The following SLC25A48 variants were observed in gnomAD, a reference collection of about 807,000 sequenced individuals.
SLC25A48 encodes solute carrier family 25 member 48.
In SLC25A48, 29 loss-of-function variants were observed where a neutral mutation model predicts 32.2. The observed-to-expected ratio is 0.90, with a 90% confidence interval of 0.67 to 1.23. The LOEUF (loss-of-function observed/expected upper bound fraction) is 1.23. SLC25A48 is among the 50% of genes most tolerant of loss of function. The pLI is 0.00. For synonymous variants in SLC25A48, 164 were observed against 172.3 expected, an observed-to-expected ratio of 0.95 and a Z score of 0.38; for missense variants, 399 against 422.7, an observed-to-expected ratio of 0.94 and a Z score of 0.49.
intron 3 of SLC25A48, among the ~76,000 whole-genome samples, chr5:135,635,115 CCT>C (rs918010090): frequency 6.6e-6 from 1 of 152,154 alleles, no homozygotes; most frequent in Admixed American, 6.5e-5. Flanking sequence ...CTGAAGGTGT[CCT>C]CTGTCTGCAG....
chr5:135,674,997 C>T (rs2344128), intron 3 of SLC25A48, among the ~76,000 whole-genome samples: 114,251 of 151,646 alleles, frequency 0.75, 43,511 homozygotes, highest in Middle Eastern at 0.86. Flanking sequence ...GTCCCTTTTC[C>T]CTGCATCCTC....
At chr5:135,879,616 G>GTA (rs1762312009) in intron 6 of SLC25A48, among the ~76,000 whole-genome samples, 1 of 124,598 alleles carries the variant, frequency 8.0e-6, no homozygotes, top group African/African-American at 5.1e-5. Flanking sequence ...GAGAGAGTGT[G>GTA]TGTGTGTGTG....
intron 1 of SLC25A48, among the ~76,000 whole-genome samples, chr5:135,607,202 T>C (rs1751958862): frequency 6.6e-6 from 1 of 152,232 alleles, no homozygotes; most frequent in African/African-American, 2.4e-5. Context: ...CCAGCCCCTT[T>C]CCTTCCCCTA....
intron 6 of SLC25A48, chr5:135,876,080 G>T (rs1762006952): frequency 6.8e-6 from 1 of 147,126 alleles, no homozygotes; most frequent in Non-Finnish European, 1.5e-5. Flanking sequence ...GAAGGGTGAA[G>T]CCCAGCCCTG....
At chr5:135,624,540 A>G (rs981826759) in intron 1 of SLC25A48, among the ~76,000 whole-genome samples, 1 of 152,214 alleles carries the variant, frequency 6.6e-6, no homozygotes, top group Admixed American at 6.5e-5. Context: ...TGGTGTGAGA[A>G]TGACTGTTTG....
At chr5:135,620,580 G>T (rs1446193669) in intron 1 of SLC25A48, among the ~76,000 whole-genome samples, 1 of 152,140 alleles carries the variant, frequency 6.6e-6, no homozygotes, top group Non-Finnish European at 1.5e-5. Flanking sequence ...GGTGGTAATT[G>T]CAGGCAGGGG....
intron 3 of SLC25A48, among the ~76,000 whole-genome samples, chr5:135,799,686 G>T (rs1191987491): frequency 6.6e-6 from 1 of 151,648 alleles, no homozygotes; most frequent in Admixed American, 6.6e-5. Context: ...ATCGCAAAGG[G>T]TGGACATCTT....
rs145475239 is a variant in SLC25A48 at position 135,859,829 on chromosome 5, C to T, written c.421+7008C>T. On this transcript the variant is annotated intron_variant, in intron 4 of 7. Transcript: ENST00000681962. Reference sequence around the variant, plus strand: ...GACATGCAAAAAGCCTGAAAAGATACCTCAAAGGGCAAATCTTAGGTTTCA... The same window carrying T: ...GACATGCAAAAAGCCTGAAAAGATATCTCAAAGGGCAAATCTTAGGTTTCA... 6.4e-3 allele frequency among the ~76,000 whole-genome samples: 978 copies of T among 152,252 alleles called. 8 individuals are homozygous for T. Among genetic ancestry groups the T allele is most frequent in the Non-Finnish European group, 0.011 (726 of 68,018 alleles).
chr5:135,818,650 C>G (rs957567828), intron 4 of SLC25A48, among the ~76,000 whole-genome samples: 2 of 152,114 alleles, frequency 1.3e-5, no homozygotes, highest in African/African-American at 4.8e-5. Context: ...AAAGTCTACA[C>G]AAAATGATAT....
intron 4 of SLC25A48, among the ~76,000 whole-genome samples, chr5:135,818,091 C>T (rs1757779177): frequency 7.0e-6 from 1 of 142,834 alleles, no homozygotes; most frequent in African/African-American, 2.8e-5. Flanking sequence ...CTCTCTCTCT[C>T]TCTCTCTCTC....
chr5:135,654,469 A>T (rs954652728), intron 3 of SLC25A48, among the ~76,000 whole-genome samples: 4 of 152,134 alleles, frequency 2.6e-5, no homozygotes, highest in African/African-American at 9.7e-5. Flanking sequence ...TAAGTGGGGG[A>T]GCTGGTGAAG....
At chr5:135,815,549 A>G (rs1757695640) in intron 4 of SLC25A48, among the ~76,000 whole-genome samples, 1 of 152,220 alleles carries the variant, frequency 6.6e-6, no homozygotes, top group Non-Finnish European at 1.5e-5. Flanking sequence ...GAAAGGCCTG[A>G]GGGGCTGCCT....
chr5:135,684,705 T>C (rs1250204028), intron 3 of SLC25A48, among the ~76,000 whole-genome samples: 1 of 152,188 alleles, frequency 6.6e-6, no homozygotes, highest in Non-Finnish European at 1.5e-5. Flanking sequence ...CAGCAGCACA[T>C]GTATGTTGCT....
intron 1 of SLC25A48, among the ~76,000 whole-genome samples, chr5:135,582,546 T>C (rs1751258728): frequency 6.6e-6 from 1 of 152,098 alleles, no homozygotes; most frequent in Non-Finnish European, 1.5e-5. Context: ...TCCTGGCCCT[T>C]CATGGTCCCT....
chr5:135,695,891 A>C, intron 3 of SLC25A48, among the ~76,000 whole-genome samples: 1 of 152,218 alleles, frequency 6.6e-6, no homozygotes, highest in East Asian at 1.9e-4. Flanking sequence ...GCAAGAGAGA[A>C]AATGCAAAAG....
chr5:135,763,073 G>C (rs1756103802), intron 3 of SLC25A48, among the ~76,000 whole-genome samples: 1 of 152,050 alleles, frequency 6.6e-6, no homozygotes, highest in South Asian at 2.1e-4. Flanking sequence ...GAATATGTGT[G>C]TGCATTGTGT....
At chr5:135,707,785 T>C (rs937041548) in intron 3 of SLC25A48, among the ~76,000 whole-genome samples, 5 of 152,240 alleles carry the variant, frequency 3.3e-5, no homozygotes, top group African/African-American at 9.6e-5. Flanking sequence ...TGTTCTTTTG[T>C]TCATGTGTTG....
At chr5:135,866,625 A>T (rs369387302) in intron 4 of SLC25A48, among the ~76,000 whole-genome samples, 2 of 152,308 alleles carry the variant, frequency 1.3e-5, no homozygotes, top group Admixed American at 6.5e-5. Flanking sequence ...CTCCCTGAAG[A>T]GGCATCTACC....
chr5:135,617,408 CTT>C lies in SLC25A48; in HGVS notation c.-848-11825_-848-11824del, dbSNP rs754812212. 1.8e-4 allele frequency among the ~76,000 whole-genome samples: 27 copies of C among 151,670 alleles called. 1 individual carries two copies. Among genetic ancestry groups the C allele is most frequent in the African/African-American group, 6.3e-4 (26 of 41,328 alleles). On this transcript the variant is annotated intron_variant, in intron 1 of 10. Transcript: ENST00000646290. Reference sequence around the variant, plus strand: ...TGTTTATTTGTTTTTAATAAAATGACTTTTTATTTCATTTATTCTTTGTATTT... The same window carrying C: ...TGTTTATTTGTTTTTAATAAAATGACTTTATTTCATTTATTCTTTGTATTT...
Sources: allele counts gnomAD v4.1 joint callset (sites outside exome capture counted in the v4.1 genomes callset), GRCh38; gene constraint gnomAD v4.1.1; transcripts MANE v1.5; gene names NCBI Gene and HGNC (gene_info 2026-07-23, HGNC 2026-07-21).